The following NTM variants were observed in gnomAD, a reference collection of about 807,000 sequenced individuals.
NTM encodes neurotrimin.
In NTM, 13 loss-of-function variants were observed where a neutral mutation model predicts 42.1. The observed-to-expected ratio is 0.31, with a 90% CI of 0.20 to 0.49. The LOEUF (loss-of-function observed/expected upper bound fraction) is 0.49, where lower values mean the gene tolerates loss of function less well. Among genes scored for constraint, NTM ranks in the 20% least tolerant of loss-of-function variants. NTM has a pLI of 0.99. For synonymous variants in NTM, 187 were observed against 179.2 expected, an observed-to-expected ratio of 1.04 and a Z score of -0.35; for missense variants, 373 against 452.8, an observed-to-expected ratio of 0.82 and a Z score of 1.60.
chr11:131,704,419 C>G (rs181690802), intron 1 of NTM, among the ~76,000 whole-genome samples: 336 of 152,312 alleles, frequency 2.2e-3, no homozygotes, highest in African/African-American at 7.5e-3. Flanking sequence ...ACTTCAATAG[C>G]AAGCCTCACT....
intron 1 of NTM, among the ~76,000 whole-genome samples, chr11:131,395,244 T>C (rs1472064209): frequency 6.6e-6 from 1 of 152,184 alleles, no homozygotes; most frequent in Non-Finnish European, 1.5e-5. Flanking sequence ...AAAGCACATT[T>C]CAGTTGAAGT....
chr11:132,251,740 G>A (rs779071569), intron 4 of NTM, among the ~76,000 whole-genome samples: 6 of 152,192 alleles, frequency 3.9e-5, no homozygotes, highest in African/African-American at 7.2e-5. Context: ...TCCTCGGTGT[G>A]TATTTTGCTG....
At chr11:132,106,144 C>T (rs1227183434) in intron 2 of NTM, among the ~76,000 whole-genome samples, 1 of 152,200 alleles carries the variant, frequency 6.6e-6, no homozygotes, top group Non-Finnish European at 1.5e-5. Context: ...CATAATATTG[C>T]TTGACCTACA....
chr11:131,915,324 A>C (rs1307006202), intron 2 of NTM, among the ~76,000 whole-genome samples: 1 of 152,026 alleles, frequency 6.6e-6, no homozygotes, highest in Non-Finnish European at 1.5e-5. Flanking sequence ...TTCCCTATTC[A>C]TTTTGGCTTA....
chr11:131,444,857 T>C (rs1376214844), intron 1 of NTM, among the ~76,000 whole-genome samples: 1 of 152,158 alleles, frequency 6.6e-6, no homozygotes, highest in African/African-American at 2.4e-5. Flanking sequence ...TGGGTACAAA[T>C]GTGTTTCCTG....
At chr11:131,618,255 C>T (rs537875242) in intron 1 of NTM, among the ~76,000 whole-genome samples, 14 of 152,318 alleles carry the variant, frequency 9.2e-5, no homozygotes, top group Middle Eastern at 3.4e-3. Context: ...AGCAGGTCTG[C>T]GCCTACAGCC....
intron 1 of NTM, among the ~76,000 whole-genome samples, chr11:131,618,741 C>T (rs1444139465): frequency 1.3e-5 from 2 of 152,150 alleles, no homozygotes; most frequent in South Asian, 2.1e-4. Context: ...TATTGAAAAG[C>T]CAACGTGTTC....
chr11:131,648,433 C>T (rs748554468), intron 1 of NTM, among the ~76,000 whole-genome samples: 5 of 152,092 alleles, frequency 3.3e-5, no homozygotes, highest in Admixed American at 1.3e-4. Flanking sequence ...CACTGTTTTT[C>T]ACAATGTTTG....
chr11:131,397,121 A>G (rs990144443), intron 1 of NTM, among the ~76,000 whole-genome samples: 1 of 152,180 alleles, frequency 6.6e-6, no homozygotes, highest in Non-Finnish European at 1.5e-5. Flanking sequence ...CCCAGAGTTG[A>G]GTGCTCTAAC....
At chr11:131,749,192 G>A (rs2082179090) in intron 1 of NTM, among the ~76,000 whole-genome samples, 1 of 152,176 alleles carries the variant, frequency 6.6e-6, no homozygotes. Flanking sequence ...AAAGTGATCA[G>A]GAGTGTGGCA....
At chr11:131,788,539 T>C (rs76271006) in intron 1 of NTM, among the ~76,000 whole-genome samples, 3 of 152,214 alleles carry the variant, frequency 2.0e-5, no homozygotes, top group Non-Finnish European at 2.9e-5. Flanking sequence ...TTAACAGTTA[T>C]AGTCTTCCGT....
chr11:131,760,802 G>C (rs10894439), intron 1 of NTM, among the ~76,000 whole-genome samples: 1 of 151,766 alleles, frequency 6.6e-6, no homozygotes, highest in African/African-American at 2.4e-5. Context: ...AGAAACCTGC[G>C]GAGGGAGCTA....
At chr11:132,226,950 T>C (rs919111059) in intron 4 of NTM, among the ~76,000 whole-genome samples, 4 of 152,188 alleles carry the variant, frequency 2.6e-5, no homozygotes, top group African/African-American at 7.2e-5. Context: ...AAAGCATGCT[T>C]GTGGTAGGAA....
intron 1 of NTM, among the ~76,000 whole-genome samples, chr11:131,814,956 C>T (rs1298295037): frequency 1.3e-5 from 2 of 152,222 alleles, no homozygotes; most frequent in Non-Finnish European, 2.9e-5. Context: ...CTGCCAGCTT[C>T]CCATACCAAC....
At chr11:131,832,835 T>C (rs188244256) in intron 1 of NTM, among the ~76,000 whole-genome samples, 10 of 152,326 alleles carry the variant, frequency 6.6e-5, no homozygotes, top group Admixed American at 5.9e-4. Context: ...AATATATATA[T>C]AGACAAGGGC....
chr11:131,880,801 C>T (rs915343677), intron 1 of NTM, among the ~76,000 whole-genome samples: 2 of 147,574 alleles, frequency 1.4e-5, no homozygotes, highest in Admixed American at 6.8e-5. Flanking sequence ...AAATCTCACT[C>T]TTTTTTTTTT....
chr11:132,304,359 C>T (rs2094992342), intron 4 of NTM, among the ~76,000 whole-genome samples: 1 of 151,460 alleles, frequency 6.6e-6, no homozygotes, highest in African/African-American at 2.4e-5. Flanking sequence ...GCCTCTTCCC[C>T]ACTGATGTCT....
intron 2 of NTM, among the ~76,000 whole-genome samples, chr11:132,086,292 C>A (rs533915076): frequency 3.5e-4 from 50 of 141,436 alleles, no homozygotes; most frequent in Non-Finnish European, 5.2e-4. Flanking sequence ...CCACTGCACT[C>A]CAGCTTGGAT....
At chr11:132,013,083 C>T (rs1191024777) in intron 2 of NTM, among the ~76,000 whole-genome samples, 1 of 151,968 alleles carries the variant, frequency 6.6e-6, no homozygotes, top group East Asian at 1.9e-4. Flanking sequence ...TGAAGATAAC[C>T]AATTTTCGAA....
Sources: allele counts gnomAD v4.1 joint callset (sites outside exome capture counted in the v4.1 genomes callset), GRCh38; gene constraint gnomAD v4.1.1; transcripts MANE v1.5; gene names NCBI Gene and HGNC (gene_info 2026-07-23, HGNC 2026-07-21).